Variants in STXBP5L observed in about 807,000 individuals in gnomAD.
STXBP5L encodes the protein syntaxin-binding protein 5-like.
A neutral mutation model predicts 144.5 loss-of-function variants in STXBP5L; 65 were observed. The observed-to-expected ratio is 0.45, with a 90% CI of 0.37 to 0.55. The LOEUF (loss-of-function observed/expected upper bound fraction) is 0.55. STXBP5L is among the 20% of genes least tolerant of loss of function. The pLI, the probability that STXBP5L is intolerant of heterozygous loss-of-function variation, is 0.00. For missense variants in STXBP5L, 1,298 were observed against 1,405.5 expected (o/e 0.92, Z 1.22); for synonymous variants, 505 against 469.6 (o/e 1.08, Z -0.97).
intron 3 of STXBP5L, among the ~76,000 whole-genome samples, chr3:121,041,060 C>CTT (rs139992204): frequency 1.1e-3 from 157 of 148,166 alleles, no homozygotes; most frequent in African/African-American, 3.6e-3. Flanking sequence ...TTTTCTCATT[C>CTT]TTTTTTTTTT....
At chr3:121,319,518 A>G (rs150333599) in intron 20 of STXBP5L, among the ~76,000 whole-genome samples, 1 of 152,134 alleles carries the variant, frequency 6.6e-6, no homozygotes, top group African/African-American at 2.4e-5. Flanking sequence ...TTAGTCATAT[A>G]TTTTTAATTC....
chr3:121,056,233 A>G (rs187568734), intron 5 of STXBP5L, among the ~76,000 whole-genome samples: 86 of 152,334 alleles, frequency 5.6e-4, no homozygotes, highest in Middle Eastern at 6.8e-3. Flanking sequence ...GAATAAAATA[A>G]AACATTCATA....
intron 3 of STXBP5L, among the ~76,000 whole-genome samples, chr3:121,034,007 T>C: frequency 6.6e-6 from 1 of 152,142 alleles, no homozygotes; most frequent in East Asian, 1.9e-4. Flanking sequence ...GGATAGTAAC[T>C]ACTAAAATAG....
chr3:121,027,603 A>G (rs1044163128), intron 3 of STXBP5L, among the ~76,000 whole-genome samples: 13 of 151,758 alleles, frequency 8.6e-5, no homozygotes, highest in Non-Finnish European at 7.4e-5. Flanking sequence ...AGTCTATTTC[A>G]TGTTGCATTA....
At chr3:121,104,093 A>G (rs1285169900) in intron 5 of STXBP5L, among the ~76,000 whole-genome samples, 2 of 152,204 alleles carry the variant, frequency 1.3e-5, no homozygotes, top group African/African-American at 2.4e-5. Flanking sequence ...TAAATCTTCT[A>G]TATGTCAATC....
intron 14 of STXBP5L, among the ~76,000 whole-genome samples, chr3:121,244,461 G>T (rs551884998): frequency 1.3e-5 from 2 of 151,564 alleles, no homozygotes; most frequent in East Asian, 3.9e-4. Context: ...GAGAGAGAGA[G>T]AGAGACAGAG....
chr3:121,304,693 T>G (rs2043279070), intron 19 of STXBP5L, among the ~76,000 whole-genome samples: 1 of 152,058 alleles, frequency 6.6e-6, no homozygotes, highest in Non-Finnish European at 1.5e-5. Flanking sequence ...ATATCAAAAT[T>G]TATGAGATAT....
In STXBP5L at chr3:121,114,988, T is replaced by C; in HGVS notation, c.534T>C (p.Asn178=). ...TTTATGTTGGAACAGAAAGAGGAAA[T>C]ACACATATTGTAAATATTGAATCTT... ...KWLYVGTERG[N]THIVNIESFI... The change falls in exon 6 of 27, where the codon AAT becomes AAC. Residue 178 remains asparagine (N), a synonymous_variant. Transcript: ENST00000471454. 1.2e-6 allele frequency: 2 copies of C among 1,602,330 alleles called. No homozygotes were observed. Among genetic ancestry groups the C allele is most frequent in the Non-Finnish European group, 1.7e-6 (2 of 1,175,410 alleles).
intron 22 of STXBP5L, among the ~76,000 whole-genome samples, chr3:121,401,936 GA>G (rs1235896985): frequency 6.7e-6 from 1 of 149,122 alleles, no homozygotes; most frequent in Non-Finnish European, 1.5e-5. Context: ...GTGACAAAGA[GA>G]ATGGTGGAGG....
At chr3:121,008,798 C>G (rs1188066077) in intron 3 of STXBP5L, among the ~76,000 whole-genome samples, 1 of 151,904 alleles carries the variant, frequency 6.6e-6, no homozygotes, top group Non-Finnish European at 1.5e-5. Context: ...TTTGTTGAGG[C>G]TAAATCACTT....
At chr3:120,933,608 G>A (rs1017005445) in intron 2 of STXBP5L, among the ~76,000 whole-genome samples, 2 of 152,122 alleles carry the variant, frequency 1.3e-5, no homozygotes, top group Non-Finnish European at 2.9e-5. Flanking sequence ...ACTGCATTGG[G>A]TGGAGATTCA....
chr3:121,286,691 T>G (rs906504555), intron 19 of STXBP5L, among the ~76,000 whole-genome samples: 3 of 152,152 alleles, frequency 2.0e-5, no homozygotes, highest in African/African-American at 7.2e-5. Context: ...AAGCTTTAGA[T>G]TCTCACTACC....
intron 5 of STXBP5L, chr3:121,099,275 G>A (rs1222806357): frequency 6.6e-6 from 1 of 152,170 alleles, no homozygotes; most frequent in Non-Finnish European, 1.5e-5. Flanking sequence ...CCAGAGGAGT[G>A]AACTTTACTG....
intron 23 of STXBP5L, among the ~76,000 whole-genome samples, chr3:121,410,154 T>C (rs1451799525): frequency 6.6e-6 from 1 of 151,950 alleles, no homozygotes; most frequent in African/African-American, 2.4e-5. Context: ...TTGAAAATGA[T>C]TTAACTCCCA....
chr3:121,123,322 A>G (rs2044554490), intron 7 of STXBP5L, among the ~76,000 whole-genome samples: 1 of 151,678 alleles, frequency 6.6e-6, no homozygotes, highest in Non-Finnish European at 1.5e-5. Flanking sequence ...GTTATGACCT[A>G]GAAAATTCAT....
At chr3:120,924,091 T>C (rs192616941) in intron 2 of STXBP5L, among the ~76,000 whole-genome samples, 1 of 152,360 alleles carries the variant, frequency 6.6e-6, no homozygotes, top group Non-Finnish European at 1.5e-5. Flanking sequence ...TCAGTAGTTA[T>C]TACTATTCTC....
chr3:121,004,860 T>A (rs963703480), intron 3 of STXBP5L, among the ~76,000 whole-genome samples: 1 of 152,214 alleles, frequency 6.6e-6, no homozygotes, highest in Non-Finnish European at 1.5e-5. Flanking sequence ...CGTTTATTGA[T>A]TTGCATATGT....
At position 121,092,047 on chromosome 3, in the gene STXBP5L, G is replaced by A. The variant is rs537977895; in HGVS notation, c.471-22878G>A. Among the ~76,000 whole-genome samples, 9 of 152,200 alleles carry A rather than the reference G, an allele frequency of 5.9e-5. No homozygotes were observed. In the East Asian group the frequency reaches 1.7e-3, roughly 29 times the overall value. ...TTAAATAGGGAATACTTTCCCCATT[G>A]CTTGTTTTTCTCGGGTTTGTCAAAG... On this transcript the variant is annotated intron_variant, in intron 5 of 26. Coordinates refer to ENST00000471454, the MANE Select transcript of STXBP5L (RefSeq NM_001308330.2).
chr3:121,035,697 A>G (rs374188424), intron 3 of STXBP5L, among the ~76,000 whole-genome samples: 43 of 152,048 alleles, frequency 2.8e-4, no homozygotes, highest in Admixed American at 1.8e-3. Context: ...TGGCACTTTT[A>G]TTGGTTCCAT....
Sources: allele counts gnomAD v4.1 joint callset (sites outside exome capture counted in the v4.1 genomes callset), GRCh38; gene constraint gnomAD v4.1.1; transcripts MANE v1.5; gene names NCBI Gene and HGNC (gene_info 2026-07-23, HGNC 2026-07-21).